Variants in CFAP54 observed in about 807,000 individuals in gnomAD.
CFAP54 encodes the protein cilia and flagella associated protein 54.
Under a neutral mutation model 370.4 loss-of-function variants are expected in CFAP54, and 290 were observed. The observed-to-expected ratio is 0.78, with a 90% CI of 0.71 to 0.86. CFAP54 has a LOEUF of 0.86. Among genes scored for constraint, CFAP54 ranks in the 40% least tolerant of loss-of-function variants. CFAP54 has a pLI of 0.00. For missense variants in CFAP54, 3,399 were observed against 3,528.7 expected (o/e 0.96, Z 0.93); for synonymous variants, 1,206 against 1,236.5 (o/e 0.98, Z 0.52).
chr12:96,860,821 C>G lies in CFAP54; in HGVS notation c.9174C>G (p.Val3058=). 6.5e-7 allele frequency: 1 copy of G among 1,529,260 alleles called. No individual in the cohort carries two copies. The highest frequency in any genetic ancestry group is 8.7e-7 in the Non-Finnish European group (1 of 1,144,456). 94.7% of individuals were successfully genotyped at this position (1,529,260 alleles called of 1,614,324 possible). A position where few individuals can be genotyped will look rare whatever the true frequency, so the allele number is the denominator to read the frequency against. ...NDKEPTPLSE[V]PFDISLPSIF... ...AACACTTTTATGTTTTTCCTCAGGT[C>G]CCATTTGATATCTCACTGCCGTCTA... The change falls in exon 67 of 68, where the codon GTC becomes GTG. Residue 3058 remains valine (V), a splice_region_variant and synonymous_variant. Coordinates refer to ENST00000524981, the MANE Select transcript of CFAP54 (RefSeq NM_001306084.2).
intron 22 of CFAP54, among the ~76,000 whole-genome samples, chr12:96,582,204 T>C (rs772976577): frequency 2.6e-5 from 4 of 152,200 alleles, no homozygotes; most frequent in Admixed American, 2.0e-4. Flanking sequence ...ACAGTAGGCA[T>C]TGAATAAATA....
intron 66 of CFAP54, among the ~76,000 whole-genome samples, chr12:96,857,698 A>T (rs1249236072): frequency 6.6e-6 from 1 of 152,056 alleles, no homozygotes; most frequent in East Asian, 1.9e-4. Flanking sequence ...TGTGATAGTG[A>T]GTTCTCATGA....
chr12:96,871,217 G>C (rs553747239), intron 67 of CFAP54, among the ~76,000 whole-genome samples: 7 of 152,288 alleles, frequency 4.6e-5, no homozygotes, highest in South Asian at 2.1e-4. Flanking sequence ...AAAGAACAAA[G>C]CCTCAGAGAT....
intron 50 of CFAP54, among the ~76,000 whole-genome samples, chr12:96,724,467 A>C (rs927369038): frequency 1.3e-5 from 2 of 152,196 alleles, no homozygotes; most frequent in African/African-American, 4.8e-5. Flanking sequence ...GGCTGCATAA[A>C]TGTCTTCTTT....
chr12:96,801,951 A>G (rs183810126), intron 63 of CFAP54, among the ~76,000 whole-genome samples: 3 of 152,228 alleles, frequency 2.0e-5, no homozygotes, highest in East Asian at 1.9e-4. Flanking sequence ...CTGCCCTCCA[A>G]TGGGCTGCTG....
intron 9 of CFAP54, among the ~76,000 whole-genome samples, chr12:96,533,476 T>C (rs1305731051): frequency 6.6e-6 from 1 of 152,210 alleles, no homozygotes; most frequent in East Asian, 1.9e-4. Context: ...ATCCCCATTT[T>C]AGATCTCTTT....
chr12:96,782,728 G>A (rs1643879022), intron 60 of CFAP54, among the ~76,000 whole-genome samples: 1 of 152,134 alleles, frequency 6.6e-6, no homozygotes, highest in South Asian at 2.1e-4. Flanking sequence ...ATTTGACAAA[G>A]TGATGCCAAA....
At chr12:96,614,447 C>G (rs942520420) in intron 26 of CFAP54, among the ~76,000 whole-genome samples, 1 of 152,176 alleles carries the variant, frequency 6.6e-6, no homozygotes, top group African/African-American at 2.4e-5. Flanking sequence ...CCTTTGAAAA[C>G]TGGCACAAGA....
At chr12:96,522,396 C>G (rs1345435774) in intron 8 of CFAP54, among the ~76,000 whole-genome samples, 1 of 152,190 alleles carries the variant, frequency 6.6e-6, no homozygotes, top group Non-Finnish European at 1.5e-5. Context: ...TTAGCACAAT[C>G]CCAGTTTTGC....
intron 66 of CFAP54, among the ~76,000 whole-genome samples, chr12:96,836,571 G>A (rs1959186775): frequency 6.6e-6 from 1 of 152,142 alleles, no homozygotes; most frequent in African/African-American, 2.4e-5. Context: ...AAGAATCTAT[G>A]CTGTAATAAA....
chr12:96,801,595 T>G (rs1272973417), intron 63 of CFAP54, among the ~76,000 whole-genome samples: 2 of 152,214 alleles, frequency 1.3e-5, no homozygotes, highest in Non-Finnish European at 2.9e-5. Flanking sequence ...TGTCTCCAGA[T>G]CGTACCTTAG....
Position 96,688,180 on chromosome 12 carries a change from T to C in CFAP54, c.6015-736T>C, listed in dbSNP as rs1957347409. On this transcript the variant is annotated intron_variant, in intron 42 of 67. Transcript: ENST00000524981. Reference sequence around the variant, plus strand: ...GTAATGTGGTTTGTAGTTGCAAATGTGAATTTTAAGACTCATATATAGAAC... The same window carrying C: ...GTAATGTGGTTTGTAGTTGCAAATGCGAATTTTAAGACTCATATATAGAAC... 2.6e-5 allele frequency among the ~76,000 whole-genome samples: 4 copies of C among 152,334 alleles called. No homozygotes were observed. In the South Asian group the frequency reaches 8.3e-4, roughly 32 times the overall value.
At chr12:96,753,615 A>G (rs1438311532) in intron 55 of CFAP54, 128 bp from the exon 56 acceptor site, 2 of 872,014 alleles carry the variant, frequency 2.3e-6, no homozygotes, top group Non-Finnish European at 3.4e-6. Flanking sequence ...CTTGGATGCT[A>G]AAAACTGTAA....
In CFAP54 at chr12:96,520,615, A is replaced by G. The variant is rs1047909798; in HGVS notation, c.943-1242A>G. 3.3e-5 allele frequency among the ~76,000 whole-genome samples: 5 copies of G among 152,326 alleles called. No individual in the cohort carries two copies. In the East Asian group the frequency reaches 7.7e-4, roughly 23 times the overall value. ...AATTTGAAAAAGGCACCTTCTCTACATTATGTGACACCTGGCTTGGTCAGT... is the reference window on the plus strand; with the variant it reads ...AATTTGAAAAAGGCACCTTCTCTACGTTATGTGACACCTGGCTTGGTCAGT... On this transcript the variant is annotated intron_variant, in intron 6 of 67. Coordinates refer to ENST00000524981, the MANE Select transcript of CFAP54 (RefSeq NM_001306084.2).
intron 60 of CFAP54, among the ~76,000 whole-genome samples, chr12:96,779,335 T>A (rs1249206092): frequency 1.3e-5 from 2 of 152,168 alleles, no homozygotes; most frequent in Non-Finnish European, 2.9e-5. Context: ...TATAGTCTTT[T>A]TGTCTGACTT....
chr12:96,699,769 G>A (rs1957472216), intron 45 of CFAP54, among the ~76,000 whole-genome samples: 1 of 152,096 alleles, frequency 6.6e-6, no homozygotes, highest in African/African-American at 2.4e-5. Context: ...TAGCTTCTTG[G>A]TCCATTGCAC....
chr12:96,621,875 G>GTTGTTTTTTTTTTT (rs1956496203), intron 27 of CFAP54, among the ~76,000 whole-genome samples, 154 bp downstream of exon 27: 1 of 50,034 alleles, frequency 2.0e-5, no homozygotes, highest in Non-Finnish European at 3.3e-5. Flanking sequence ...TTTTGGGTTT[G>GTTGTTTTTTTTTTT]TTTTTTTTTT....
intron 66 of CFAP54, among the ~76,000 whole-genome samples, chr12:96,848,943 A>T (rs540193233): frequency 1.1e-4 from 16 of 152,314 alleles, no homozygotes; most frequent in Admixed American, 4.6e-4. Flanking sequence ...ATTATCTATT[A>T]TTGCTGGTAT....
In CFAP54 at chr12:96,874,612, C is replaced by G. The variant is rs12827047; in HGVS notation, c.*15-506C>G. 5.0e-5 allele frequency among the ~76,000 whole-genome samples: 2 copies of G among 40,058 alleles called. 1 individual carries two copies. The highest frequency in any genetic ancestry group is 1.9e-3 in the South Asian group (2 of 1,050). 26.3% of individuals were successfully genotyped at this position (40,058 alleles called of 152,430 possible). A position where few individuals can be genotyped will look rare whatever the true frequency, so the allele number is the denominator to read the frequency against. On this transcript the variant is annotated intron_variant, in intron 67 of 67. Coordinates refer to ENST00000524981, the MANE Select transcript of CFAP54 (RefSeq NM_001306084.2). Reference sequence around the variant, plus strand: ...GTTCTGTTCTGTTTTGGGATCTCTGCTTTTTTTTATTTTTATTTTATTTTT... The same window carrying G: ...GTTCTGTTCTGTTTTGGGATCTCTGGTTTTTTTTATTTTTATTTTATTTTT...
Sources: allele counts gnomAD v4.1 joint callset (sites outside exome capture counted in the v4.1 genomes callset), GRCh38; gene constraint gnomAD v4.1.1; transcripts MANE v1.5; gene names NCBI Gene and HGNC (gene_info 2026-07-23, HGNC 2026-07-21).